The following MARCHF1 variants were observed in gnomAD, a reference collection of about 807,000 sequenced individuals.
MARCHF1 encodes E3 ubiquitin-protein ligase MARCHF1.
MARCHF1 carries 40 observed loss-of-function variants against 54.2 expected under a neutral mutation model. The ratio of observed to expected loss-of-function variants is 0.74; its 90% confidence interval spans 0.57 to 0.96. MARCHF1 has a LOEUF of 0.96. MARCHF1 is among the 40% of genes least tolerant of loss of function. The probability of loss-of-function intolerance (pLI) is 0.00; values close to 1 mark genes in which losing one functional copy is unlikely to be tolerated. For synonymous variants in MARCHF1, 236 were observed against 236.3 expected (o/e 1.00, Z 0.01); for missense variants, 586 against 656.5 (o/e 0.89, Z 1.17).
intron 1 of MARCHF1, among the ~76,000 whole-genome samples, chr4:164,350,346 G>A (rs1730245160): frequency 6.6e-6 from 1 of 152,148 alleles, no homozygotes; most frequent in Non-Finnish European, 1.5e-5. Context: ...TAGTAAAGTG[G>A]GAAGGGTTGG....
At chr4:163,719,832 T>C (rs2111284305) in intron 4 of MARCHF1, among the ~76,000 whole-genome samples, 1 of 152,354 alleles carries the variant, frequency 6.6e-6, no homozygotes, top group Admixed American at 6.5e-5. Flanking sequence ...ATGTCTTCTT[T>C]TGAGAAGTGT....
intron 4 of MARCHF1, among the ~76,000 whole-genome samples, chr4:163,793,041 A>G (rs1313807101): frequency 6.6e-6 from 1 of 151,976 alleles, no homozygotes; most frequent in Admixed American, 6.6e-5. Context: ...AAACAACTTA[A>G]CTCCGTGTCT....
chr4:163,994,119 T>C (rs1753017970), intron 2 of MARCHF1, among the ~76,000 whole-genome samples: 2 of 152,084 alleles, frequency 1.3e-5, no homozygotes, highest in African/African-American at 4.8e-5. Flanking sequence ...ATGTATTTCT[T>C]CACTTATCTT....
At chr4:163,562,095 G>T (rs1034841221) in intron 8 of MARCHF1, among the ~76,000 whole-genome samples, 1 of 152,044 alleles carries the variant, frequency 6.6e-6, no homozygotes, top group Non-Finnish European at 1.5e-5. Context: ...TCAGGAGTTT[G>T]AGACTAGCCT....
chr4:164,276,676 A>G (rs1733890024), intron 1 of MARCHF1, among the ~76,000 whole-genome samples: 1 of 151,042 alleles, frequency 6.6e-6, no homozygotes, highest in Non-Finnish European at 1.5e-5. Flanking sequence ...AAGAATGTAT[A>G]CAATTATGGT....
At chr4:164,361,804 T>C (rs1000010873) in intron 1 of MARCHF1, among the ~76,000 whole-genome samples, 2 of 152,096 alleles carry the variant, frequency 1.3e-5, no homozygotes, top group African/African-American at 4.8e-5. Context: ...ACTTCTGGAA[T>C]GGATTTTGAA....
intron 4 of MARCHF1, among the ~76,000 whole-genome samples, chr4:163,808,377 T>C (rs886909490): frequency 6.6e-6 from 1 of 152,182 alleles, no homozygotes; most frequent in Non-Finnish European, 1.5e-5. Context: ...CTGAATTTGA[T>C]ATGCCACTGC....
chr4:164,159,595 C>T (rs1175154884), intron 1 of MARCHF1, among the ~76,000 whole-genome samples: 3 of 152,042 alleles, frequency 2.0e-5, no homozygotes, highest in African/African-American at 7.2e-5. Context: ...GGAGTTTCCT[C>T]ATGTAGCAGA....
At position 163,795,236 on chromosome 4, in the gene MARCHF1, T is replaced by C. The variant is rs1747879854; in HGVS notation, c.111+58785A>G. Among the ~76,000 whole-genome samples the C allele has an allele frequency of 1.3e-5, 2 of 152,158 alleles. 1 individual carries two copies. Among genetic ancestry groups the C allele is most frequent in the African/African-American group, 4.8e-5 (2 of 41,458 alleles). ...CCAGACATCTTAATGGTATTTTCTT[T>C]CTTTTTTTTTGAGATGAAGTCTCAC... is the stretch of plus-strand genomic sequence containing the variant. On this transcript the variant is annotated intron_variant, in intron 4 of 9. Transcript: ENST00000514618.
chr4:163,966,387 G>T (rs1038598396), intron 3 of MARCHF1, among the ~76,000 whole-genome samples: 1 of 151,794 alleles, frequency 6.6e-6, no homozygotes, highest in Non-Finnish European at 1.5e-5. Context: ...TGAAAACTGA[G>T]CATCCAATTT....
At chr4:164,269,639 G>C (rs749863321) in intron 1 of MARCHF1, among the ~76,000 whole-genome samples, 14 of 152,008 alleles carry the variant, frequency 9.2e-5, no homozygotes, top group Non-Finnish European at 1.3e-4. Context: ...TGGGTGATGT[G>C]TCTTATTTTC....
intron 1 of MARCHF1, among the ~76,000 whole-genome samples, chr4:164,176,819 A>C (rs1006379563): frequency 6.6e-6 from 1 of 151,476 alleles, no homozygotes; most frequent in Non-Finnish European, 1.5e-5. Flanking sequence ...AAACACACTG[A>C]GTGTCTGAAA....
chr4:164,176,972 CTCTCTCTCTATATA>C (rs1488800536), intron 1 of MARCHF1, among the ~76,000 whole-genome samples: 15 of 56,830 alleles, frequency 2.6e-4, no homozygotes, highest in African/African-American at 5.1e-4. Flanking sequence ...CTCTCTCTCT[CTCTCTCTCTATATA>C]TATATATATA....
At chr4:163,840,989 CTG>C (rs1749322066) in intron 4 of MARCHF1, among the ~76,000 whole-genome samples, 3 of 151,872 alleles carry the variant, frequency 2.0e-5, no homozygotes, top group South Asian at 4.2e-4. Context: ...AAAAAAATCT[CTG>C]TACTGCATTT....
At chr4:164,320,830 G>C (rs1259806438) in intron 1 of MARCHF1, among the ~76,000 whole-genome samples, 2 of 152,082 alleles carry the variant, frequency 1.3e-5, no homozygotes, top group Non-Finnish European at 1.5e-5. Context: ...TGTAGGTTGG[G>C]AACTGAAAGT....
intron 1 of MARCHF1, among the ~76,000 whole-genome samples, chr4:164,327,829 C>A (rs1735322212): frequency 6.6e-6 from 1 of 152,080 alleles, no homozygotes; most frequent in Non-Finnish European, 1.5e-5. Context: ...GTTTCCAGCC[C>A]CTGCAGCTGG....
Position 163,899,617 on chromosome 4 carries a change from A to G in MARCHF1, c.-38-45448T>C, listed in dbSNP as rs560906280. On this transcript the variant is annotated intron_variant, in intron 3 of 9. Transcript: ENST00000514618. Reference sequence around the variant, plus strand: ...TGCTTTAACTATCTAAATGACGATGACTCTCAAATGTCCATATCCCAGGCC... The same window carrying G: ...TGCTTTAACTATCTAAATGACGATGGCTCTCAAATGTCCATATCCCAGGCC... Among the ~76,000 whole-genome samples, 55 of 152,010 alleles carry G rather than the reference A, an allele frequency of 3.6e-4. 1 individual carries two copies. The highest frequency in any genetic ancestry group is 1.2e-3 in the African/African-American group (51 of 41,460).
chr4:163,890,462 A>G (rs1339024809), intron 3 of MARCHF1, among the ~76,000 whole-genome samples: 1 of 152,160 alleles, frequency 6.6e-6, no homozygotes, highest in African/African-American at 2.4e-5. Context: ...AGACTGACTC[A>G]GATCAAACCT....
At chr4:164,176,980 C>CTCTCTCTCTCTATATA (rs1466683245) in intron 1 of MARCHF1, among the ~76,000 whole-genome samples, 2 of 58,922 alleles carry the variant, frequency 3.4e-5, no homozygotes, top group African/African-American at 1.4e-4. Context: ...CTCTCTCTCT[C>CTCTCTCTCTCTATATA]TATATATATA....
Sources: allele counts gnomAD v4.1 joint callset (sites outside exome capture counted in the v4.1 genomes callset), GRCh38; gene constraint gnomAD v4.1.1; transcripts MANE v1.5; gene names NCBI Gene and HGNC (gene_info 2026-07-23, HGNC 2026-07-21).